The following SLC16A5 variants were observed in gnomAD, a reference collection of about 807,000 sequenced individuals.
The protein encoded by SLC16A5 is monocarboxylate transporter 6.
In SLC16A5, 29 loss-of-function variants were observed where a neutral mutation model predicts 33.2. The ratio of observed to expected loss-of-function variants is 0.87; its 90% CI spans 0.65 to 1.19. The LOEUF is 1.19. Among genes scored for constraint, SLC16A5 ranks in the 50% most tolerant of loss-of-function variants. SLC16A5 has a pLI of 0.00. For synonymous variants in SLC16A5, 248 were observed against 284.1 expected (o/e 0.87, Z 1.28); for missense variants, 606 against 678.2 (o/e 0.89, Z 1.18).
intron 6 of SLC16A5, chr17:75,104,696 C>T (rs933352235): frequency 4.6e-6 from 4 of 875,394 alleles, no homozygotes; most frequent in African/African-American, 3.6e-5. Context: ...GTGATCTGCC[C>T]ACCTCAGCCT....
chr17:75,093,210 AGGTCTGCTGCATTCTACAAGTAGT>A, intron 2 of SLC16A5: 2 of 592,544 alleles, frequency 3.4e-6, no homozygotes, highest in South Asian at 4.0e-5. Context: ...CTGACCCCAG[AGGTCTGCTGCATTCTACAAGTAGT>A]GACTGAGTGG....
Position 75,105,750 on chromosome 17 carries a change from C to A in SLC16A5, c.1365-130C>A, listed in dbSNP as rs914635342. 8.1e-5 allele frequency: 114 copies of A among 1,412,996 alleles called. 1 individual carries two copies. The highest frequency in any genetic ancestry group is 5.9e-5 in the Admixed American group (2 of 33,978). The allele number at this position is 1,412,996 out of a possible 1,614,324, so 87.5% of individuals were successfully genotyped here. A position where few individuals can be genotyped will look rare whatever the true frequency, so the allele number is the denominator to read the frequency against. ...GAAGCTGACAAACAGAGCTGGAGTACGTTTCCCCTCACCCTTCCTTTCCTC... is the reference window on the plus strand; with the variant it reads ...GAAGCTGACAAACAGAGCTGGAGTAAGTTTCCCCTCACCCTTCCTTTCCTC... On this transcript the variant is annotated intron_variant, in intron 6 of 6. Coordinates refer to ENST00000329783, the MANE Select transcript of SLC16A5 (RefSeq NM_004695.4).
intron 4 of SLC16A5, among the ~76,000 whole-genome samples, chr17:75,098,524 C>T (rs1201902290): frequency 2.0e-5 from 3 of 152,066 alleles, no homozygotes; most frequent in African/African-American, 7.2e-5. Flanking sequence ...CACCACTGTA[C>T]TCCAGCCTGG....
chr17:75,107,974 C>T (rs543800979), downstream of SLC16A5, among the ~76,000 whole-genome samples: 17 of 151,504 alleles, frequency 1.1e-4, no homozygotes, highest in African/African-American at 3.4e-4. Flanking sequence ...TGCAGTGGTG[C>T]GTGCCTGTAA....
chr17:75,100,745 A>AT lies in SLC16A5; in HGVS notation c.1082_1083insT (p.Gln361HisfsTer35), dbSNP rs764413419. The AT allele has an allele frequency of 6.2e-7, 1 of 1,613,932 alleles. No individual in the cohort carries two copies. Among genetic ancestry groups the AT allele is most frequent in the African/African-American group, 1.3e-5 (1 of 74,908 alleles). Reference sequence around the variant, plus strand: ...CTCATGGACATCGTCCCCATGGATCAGTTCCCCAGAGCCCTGGGACTCTTC... The same window carrying AT: ...CTCATGGACATCGTCCCCATGGATCATGTTCCCCAGAGCCCTGGGACTCTTC... On this transcript the variant is annotated frameshift_variant, in exon 5 of 7. Transcript: ENST00000329783. LOFTEE classifies it high-confidence loss of function.
rs2073832001 is a variant in SLC16A5, at chr17:75,104,016, G to C, written c.1200G>C (p.Met400Ile). Residue 400 changes from methionine (M) to isoleucine (I), a missense_variant, in exon 6 of 7, where the codon ATG becomes ATC. Physicochemically the swap from Met to Ile is conservative, Grantham distance 10. Transcript: ENST00000329783. The part of the protein sequence containing the change: ...ATNNFSYVFY[M>I]SSFFLISAAL... ...ACAACTTTAGCTATGTTTTCTACATGTCCAGCTTCTTCCTCATCTCAGCTG... is the reference window on the plus strand; with the variant it reads ...ACAACTTTAGCTATGTTTTCTACATCTCCAGCTTCTTCCTCATCTCAGCTG... 6.2e-7 allele frequency: 1 copy of C among 1,614,096 alleles called. No individual in the cohort carries two copies. The highest frequency in any genetic ancestry group is 1.1e-5 in the South Asian group (1 of 91,090).
intron 3 of SLC16A5, among the ~76,000 whole-genome samples, chr17:75,096,885 C>G (rs1423158211): frequency 8.5e-6 from 1 of 117,026 alleles, no homozygotes; most frequent in Admixed American, 1.1e-4. Flanking sequence ...TTCACTCTGT[C>G]GCCCAGGATG....
At chr17:75,093,225 T>A in intron 2 of SLC16A5, 1 of 614,760 alleles carries the variant, frequency 1.6e-6, no homozygotes, top group Non-Finnish European at 2.9e-6. Flanking sequence ...TGCTGCATTC[T>A]ACAAGTAGTG....
chr17:75,088,073 T>A (rs1311060105), intron 1 of SLC16A5, 29 bp downstream of exon 1: 2 of 152,426 alleles, frequency 1.3e-5, no homozygotes, highest in East Asian at 3.9e-4. Flanking sequence ...CCCCACTGCC[T>A]CGGACGCGTC....
Position 75,096,751 on chromosome 17 carries a change from C to T in SLC16A5, c.200-1287C>T, listed in dbSNP as rs188016818. ...TTTACCATGTTAGCCAGGCTGGTCT[C>T]GAACTCCTGACTTCAGGCGATCCAC... On this transcript the variant is annotated intron_variant, in intron 3 of 6. Coordinates refer to ENST00000329783, the MANE Select transcript of SLC16A5 (RefSeq NM_004695.4). Among the ~76,000 whole-genome samples, 88 of 151,062 alleles carry T rather than the reference C, an allele frequency of 5.8e-4. 1 individual carries two copies. The highest frequency in any genetic ancestry group is 5.6e-3 in the Admixed American group (85 of 15,110).
At chr17:75,088,256 C>T (rs2073594102) in intron 1 of SLC16A5, among the ~76,000 whole-genome samples, 2 of 152,224 alleles carry the variant, frequency 1.3e-5, no homozygotes, top group African/African-American at 4.8e-5. Flanking sequence ...GGCGCTCGGA[C>T]TCCTGGCCCG....
chr17:75,097,396 G>A (rs1382863672), intron 3 of SLC16A5, among the ~76,000 whole-genome samples: 1 of 152,104 alleles, frequency 6.6e-6, no homozygotes, highest in African/African-American at 2.4e-5. Context: ...TCCACATTGA[G>A]CCAAACCTCT....
intron 2 of SLC16A5, among the ~76,000 whole-genome samples, chr17:75,092,850 T>TGTGTGTGA (rs1555645059): frequency 0.023 from 3,454 of 150,568 alleles, 56 homozygotes; most frequent in Admixed American, 0.036. Context: ...TGTGTGTGTG[T>TGTGTGTGA]GTGTGTGTGT....
Position 75,090,754 on chromosome 17 carries a change from C to T in SLC16A5, c.-49+1450C>T, listed in dbSNP as rs762896934. 4.6e-5 allele frequency among the ~76,000 whole-genome samples: 7 copies of T among 152,200 alleles called. No individual in the cohort carries two copies. In the Middle Eastern group the frequency reaches 0.017, roughly 370 times the overall value. ...GATTACAGGTGTGAGCCACCGCACC[C>T]GGCCTGGCAGCAGAGCTTCTAGTGT... is the stretch of plus-strand genomic sequence containing the variant. On this transcript the variant is annotated intron_variant, in intron 2 of 6. Transcript: ENST00000329783.
downstream of SLC16A5, among the ~76,000 whole-genome samples, chr17:75,108,303 T>C (rs1302133799): frequency 1.3e-5 from 2 of 152,152 alleles, no homozygotes; most frequent in African/African-American, 4.8e-5. Flanking sequence ...GAGAAACCCC[T>C]TGGGCACCTA....
intron 2 of SLC16A5, among the ~76,000 whole-genome samples, chr17:75,090,523 C>T (rs1234539869): frequency 1.4e-5 from 2 of 147,848 alleles, no homozygotes; most frequent in East Asian, 2.0e-4. Context: ...TGTAGTGATG[C>T]GATCTTGGCT....
At chr17:75,105,734 A>C in intron 6 of SLC16A5, 146 bp from the exon 7 acceptor site, 1 of 1,396,202 alleles carries the variant, frequency 7.2e-7, no homozygotes, top group South Asian at 1.8e-5. Flanking sequence ...TGAAGCTGAC[A>C]AACAGAGCTG....
Position 75,100,737 on chromosome 17 carries a change from C to T in SLC16A5, c.1074C>T (p.Pro358=), listed in dbSNP as rs145115821. ...TCCAGGTTCTCATGGACATCGTCCC[C>T]ATGGATCAGTTCCCCAGAGCCCTGG... ...LIFQVLMDIV[P]MDQFPRALGL... is the part of the protein sequence containing the mutation. Residue 358 remains proline (P), a synonymous_variant, in exon 5 of 7, where the codon CCC becomes CCT. Coordinates refer to ENST00000329783, the MANE Select transcript of SLC16A5 (RefSeq NM_004695.4). The T allele has an allele frequency of 5.6e-5, 90 of 1,614,146 alleles. No homozygotes were observed. In the African/African-American group the frequency reaches 9.1e-4, roughly 16 times the overall value.
chr17:75,099,845 G>T, intron 4 of SLC16A5, 162 bp from the exon 5 acceptor site: 1 of 680,520 alleles, frequency 1.5e-6, no homozygotes, highest in Non-Finnish European at 2.4e-6. Flanking sequence ...CAGGGAGGTG[G>T]CGAGGCCAGC....
Sources: gnomAD v4.1 joint callset for allele counts (sites outside exome capture counted in the v4.1 genomes callset) on GRCh38, gnomAD v4.1.1 for gene constraint, MANE v1.5 for transcripts, NCBI Gene and HGNC (gene_info 2026-07-23, HGNC 2026-07-21) for gene names.